Variants in PCDHA4 observed in about 807,000 individuals in gnomAD.
PCDHA4 encodes the protein protocadherin alpha 4.
Under a neutral mutation model 61.4 loss-of-function variants are expected in PCDHA4, and 49 were observed. The ratio of observed to expected loss-of-function variants is 0.80; its 90% CI spans 0.63 to 1.01. The LOEUF (loss-of-function observed/expected upper bound fraction) is 1.01. PCDHA4 is among the 50% of genes least tolerant of loss of function. The pLI is 0.00. For missense variants in PCDHA4, 1,254 were observed against 1,235.8 expected (o/e 1.01, Z -0.22); for synonymous variants, 590 against 550.3 (o/e 1.07, Z -1.01).
chr5:140,878,006 C>T (rs251378), intron 1 of PCDHA4: 602,670 of 913,772 alleles, frequency 0.66, 200,442 homozygotes, highest in African/African-American at 0.71. Flanking sequence ...ATTTGTCTAA[C>T]ATTAATGAAG....
intron 1 of PCDHA4, chr5:140,863,295 C>A: frequency 6.8e-7 from 1 of 1,463,648 alleles, no homozygotes; most frequent in South Asian, 1.1e-5. Context: ...TGTACCTGAT[C>A]ATCGCCATCT....
At chr5:140,963,659 A>G (rs1474288889) in intron 1 of PCDHA4, among the ~76,000 whole-genome samples, 3 of 152,222 alleles carry the variant, frequency 2.0e-5, no homozygotes. Context: ...TTGATTTCCT[A>G]TATGGCATAG....
At chr5:140,870,578 C>A in intron 1 of PCDHA4, 1 of 1,613,882 alleles carries the variant, frequency 6.2e-7, no homozygotes. Flanking sequence ...GTGTCCTACT[C>A]GCTGGTGGAG....
chr5:140,950,959 T>C (rs969091651), intron 1 of PCDHA4, among the ~76,000 whole-genome samples: 5 of 152,120 alleles, frequency 3.3e-5, no homozygotes, highest in Non-Finnish European at 5.9e-5. Context: ...TCTATTGATC[T>C]ATTTTCAGAT....
rs2150486791 is a variant in PCDHA4 at position 140,850,510 on chromosome 5, G to C, written c.2385+40938G>C. The C allele has an allele frequency of 3.8e-6, 6 of 1,598,136 alleles. No homozygotes were observed. In the African/African-American group the frequency reaches 4.0e-5, roughly 11 times the overall value. On this transcript the variant is annotated intron_variant, in intron 1 of 3. Coordinates refer to ENST00000530339, the MANE Select transcript of PCDHA4 (RefSeq NM_018907.4). ...ACTGTGCTGGTGTCGCTGGTGGAGA[G>C]CGGCCAGGCGCCAAAGTCATCGTCG...
intron 1 of PCDHA4, chr5:140,829,510 C>T (rs2150169186): frequency 6.2e-7 from 1 of 1,613,546 alleles, no homozygotes; most frequent in Admixed American, 1.7e-5. Context: ...CGGGCTGCCA[C>T]ATCTTCACGG....
At chr5:140,857,465 ATCT>A in intron 1 of PCDHA4, 1 of 1,598,478 alleles carries the variant, frequency 6.3e-7, no homozygotes, top group Non-Finnish European at 8.6e-7. Context: ...AGGCTGCCAC[ATCT>A]TCACGGTGTC....
chr5:140,818,563 A>G (rs974251332), intron 1 of PCDHA4, among the ~76,000 whole-genome samples: 1 of 152,228 alleles, frequency 6.6e-6, no homozygotes, highest in African/African-American at 2.4e-5. Context: ...CAGGCCAGGC[A>G]TGGTGGCTCA....
At chr5:140,867,805 T>C (rs1260432905) in intron 1 of PCDHA4, 1 of 152,150 alleles carries the variant, frequency 6.6e-6, no homozygotes. Flanking sequence ...GCATTTTCTA[T>C]GAAATTCCAT....
intron 1 of PCDHA4, chr5:140,877,359 C>T: frequency 1.2e-6 from 2 of 1,614,010 alleles, no homozygotes; most frequent in South Asian, 1.1e-5. Context: ...TGTACACTGG[C>T]GAGATCAGCA....
intron 1 of PCDHA4, chr5:140,823,700 C>A: frequency 2.5e-6 from 4 of 1,613,940 alleles, no homozygotes; most frequent in South Asian, 2.2e-5. Context: ...ACCGAAGCAC[C>A]GCGCCACCGC....
At chr5:140,988,467 A>T (rs1245281936) in intron 3 of PCDHA4, among the ~76,000 whole-genome samples, 12 of 152,242 alleles carry the variant, frequency 7.9e-5, no homozygotes, top group African/African-American at 2.4e-4. Flanking sequence ...AGGGTGTGGG[A>T]AGGGGAATTA....
intron 1 of PCDHA4, among the ~76,000 whole-genome samples, chr5:140,911,873 A>G (rs980533422): frequency 7.2e-5 from 11 of 152,038 alleles, no homozygotes; most frequent in African/African-American, 2.7e-4. Flanking sequence ...TTCTGGAACC[A>G]CTCCTGGGAC....
chr5:140,967,472 G>C (rs782183935), intron 1 of PCDHA4: 3 of 1,613,430 alleles, frequency 1.9e-6, no homozygotes, highest in Non-Finnish European at 2.5e-6. Flanking sequence ...GGGCATCCCA[G>C]CCCGCTCGGG....
intron 1 of PCDHA4, among the ~76,000 whole-genome samples, chr5:140,845,833 T>G (rs1323820046): frequency 2.0e-5 from 3 of 149,812 alleles, no homozygotes; most frequent in Non-Finnish European, 4.5e-5. Context: ...GTTATTACCA[T>G]TCTTAAGAGA....
At chr5:140,983,617 G>C (rs868994554) in intron 3 of PCDHA4, among the ~76,000 whole-genome samples, 1 of 152,228 alleles carries the variant, frequency 6.6e-6, no homozygotes, top group Admixed American at 6.5e-5. Context: ...GAGGCAGAGA[G>C]ATTAAGAAAT....
chr5:140,905,043 A>G (rs782694794), intron 1 of PCDHA4, among the ~76,000 whole-genome samples: 1 of 152,244 alleles, frequency 6.6e-6, no homozygotes, highest in East Asian at 1.9e-4. Flanking sequence ...TAGTTTAATT[A>G]GGTCCCATTT....
chr5:140,834,595 G>C (rs2150222436), intron 1 of PCDHA4: 5 of 1,614,156 alleles, frequency 3.1e-6, no homozygotes, highest in East Asian at 2.2e-5. Flanking sequence ...TGCAAATTCC[G>C]TGGGGATCTT....
At chr5:140,917,335 G>GGGGGGGGGGT in intron 1 of PCDHA4, among the ~76,000 whole-genome samples, 2 of 146,518 alleles carry the variant, frequency 1.4e-5, no homozygotes, top group Non-Finnish European at 3.1e-5. Flanking sequence ...GGGGGAGGGG[G>GGGGGGGGGGT]GGGATGGTGT....
Sources: allele counts gnomAD v4.1 joint callset (sites outside exome capture counted in the v4.1 genomes callset), GRCh38; gene constraint gnomAD v4.1.1; transcripts MANE v1.5; gene names NCBI Gene and HGNC (gene_info 2026-07-23, HGNC 2026-07-21).